Variants in PHACTR1 observed in about 807,000 individuals in gnomAD.
PHACTR1 encodes RPEL repeat containing 1.
A neutral mutation model predicts 69.2 loss-of-function variants in PHACTR1; 16 were observed. The observed-to-expected ratio is 0.23, with a 90% CI of 0.16 to 0.35. The LOEUF is 0.35. Among genes scored for constraint, PHACTR1 ranks in the 10% least tolerant of loss-of-function variants. PHACTR1 has a pLI of 1.00. For synonymous variants in PHACTR1, 312 were observed against 284.5 expected (o/e 1.10, Z -0.97); for missense variants, 510 against 734.7 (o/e 0.69, Z 3.54).
At chr6:12,876,601 T>G (rs750837097) in intron 4 of PHACTR1, among the ~76,000 whole-genome samples, 2 of 152,228 alleles carry the variant, frequency 1.3e-5, no homozygotes, top group Non-Finnish European at 2.9e-5. Context: ...TAATCTGTAT[T>G]GTCTGACTTA....
At chr6:12,917,171 T>C (rs1376629018) in intron 4 of PHACTR1, among the ~76,000 whole-genome samples, 1 of 152,234 alleles carries the variant, frequency 6.6e-6, no homozygotes, top group Non-Finnish European at 1.5e-5. Context: ...TTTCCATGGC[T>C]GGGGACAGTT....
At position 13,126,226 on chromosome 6, in the gene PHACTR1, C is replaced by T. The variant is rs1021786540; in HGVS notation, c.416-33978C>T. Reference sequence around the variant, plus strand: ...GTCAGTTCACTAATTGGCAAAAGTACTGCATTTACATTTAAGTAACAATAA... The same window carrying T: ...GTCAGTTCACTAATTGGCAAAAGTATTGCATTTACATTTAAGTAACAATAA... On this transcript the variant is annotated intron_variant, in intron 5 of 14. Coordinates refer to ENST00000332995, the MANE Select transcript of PHACTR1 (RefSeq NM_030948.6). 3.9e-5 allele frequency among the ~76,000 whole-genome samples: 6 copies of T among 152,144 alleles called. No homozygotes were observed. The East Asian group carries it at 1.2e-3, about 29-fold the overall frequency.
intron 4 of PHACTR1, among the ~76,000 whole-genome samples, chr6:12,998,622 A>AC (rs1391944759): frequency 6.6e-6 from 1 of 151,680 alleles, no homozygotes; most frequent in Non-Finnish European, 1.5e-5. Context: ...TCAAAAAAAA[A>AC]AAAAAGAAAA....
intron 5 of PHACTR1, among the ~76,000 whole-genome samples, chr6:13,123,843 G>T (rs1179230562): frequency 6.6e-6 from 1 of 152,184 alleles, no homozygotes; most frequent in Non-Finnish European, 1.5e-5. Context: ...ATGCTTTCAG[G>T]CTTCACAGTG....
intron 4 of PHACTR1, among the ~76,000 whole-genome samples, chr6:12,822,860 C>T (rs188600230): frequency 2.2e-4 from 34 of 152,214 alleles, no homozygotes; most frequent in African/African-American, 7.9e-4. Context: ...GCCATAAGGC[C>T]ACAGAGAAAG....
intron 6 of PHACTR1, among the ~76,000 whole-genome samples, chr6:13,173,010 C>T (rs898120699): frequency 1.3e-5 from 2 of 152,196 alleles, no homozygotes; most frequent in Middle Eastern, 3.2e-3. Flanking sequence ...GGTAAAAAAA[C>T]TGGAAGATTC....
At chr6:13,017,410 G>A (rs1800353512) in intron 4 of PHACTR1, among the ~76,000 whole-genome samples, 1 of 152,006 alleles carries the variant, frequency 6.6e-6, no homozygotes. Flanking sequence ...AGAAGGAATT[G>A]CAGAATTTTC....
intron 4 of PHACTR1, among the ~76,000 whole-genome samples, chr6:12,849,476 G>A (rs1779620600): frequency 6.6e-6 from 1 of 152,176 alleles, no homozygotes; most frequent in Admixed American, 6.5e-5. Context: ...TGATGGGTCT[G>A]ATTGGAAGAG....
At chr6:12,849,557 C>T (rs2127756197) in intron 4 of PHACTR1, among the ~76,000 whole-genome samples, 1 of 152,194 alleles carries the variant, frequency 6.6e-6, no homozygotes, top group Middle Eastern at 3.4e-3. Flanking sequence ...CAGCCTGGGG[C>T]TGGCACAGAG....
At chr6:12,906,138 G>A (rs1163639185) in intron 4 of PHACTR1, among the ~76,000 whole-genome samples, 1 of 152,148 alleles carries the variant, frequency 6.6e-6, no homozygotes, top group East Asian at 1.9e-4. Flanking sequence ...TGAAATCTCT[G>A]GTAGTTGGCC....
At chr6:13,149,275 G>A (rs914001373) in intron 5 of PHACTR1, among the ~76,000 whole-genome samples, 13 of 152,114 alleles carry the variant, frequency 8.5e-5, no homozygotes, top group Non-Finnish European at 1.3e-4. Context: ...GGGGAGGAAC[G>A]GTGAAACTGA....
chr6:12,754,128 A>T (rs375432842), intron 4 of PHACTR1, among the ~76,000 whole-genome samples: 37 of 112,384 alleles, frequency 3.3e-4, no homozygotes, highest in African/African-American at 6.2e-4. Context: ...ACGCCTGGCT[A>T]TTTTTTTTTT....
At chr6:12,892,678 A>T (rs536251438) in intron 4 of PHACTR1, among the ~76,000 whole-genome samples, 1 of 152,358 alleles carries the variant, frequency 6.6e-6, no homozygotes, top group South Asian at 2.1e-4. Flanking sequence ...CCCATGGAAA[A>T]AAAGGAACAG....
chr6:13,215,852 G>A (rs1309123185), intron 8 of PHACTR1, among the ~76,000 whole-genome samples: 3 of 152,170 alleles, frequency 2.0e-5, no homozygotes, highest in Admixed American at 2.0e-4. Context: ...ACATGGATAA[G>A]CCAGTCCAAT....
intron 4 of PHACTR1, among the ~76,000 whole-genome samples, chr6:12,870,934 C>T (rs1781966211): frequency 6.6e-6 from 1 of 152,110 alleles, no homozygotes; most frequent in South Asian, 2.1e-4. Context: ...GTAGTTAATC[C>T]TCATACTCAG....
intron 5 of PHACTR1, among the ~76,000 whole-genome samples, chr6:13,105,526 T>G (rs1815976605): frequency 1.3e-5 from 2 of 152,170 alleles, no homozygotes; most frequent in African/African-American, 4.8e-5. Flanking sequence ...AGTTCAATTC[T>G]GACACTAACC....
chr6:12,844,766 G>A lies in PHACTR1; in HGVS notation c.250+94976G>A, dbSNP rs532750758. Among the ~76,000 whole-genome samples the A allele has an allele frequency of 2.6e-5, 4 of 152,208 alleles. No homozygotes were observed. In the South Asian group the frequency reaches 8.3e-4, roughly 32 times the overall value. On this transcript the variant is annotated intron_variant, in intron 4 of 14. Coordinates refer to ENST00000332995, the MANE Select transcript of PHACTR1 (RefSeq NM_030948.6). ...AAAGGTGAAAGAAAAAAAAAGAAAA[G>A]CAAGCAAGCCAGCAGCAGAAGGTAC... is the stretch of plus-strand genomic sequence containing the variant.
At chr6:12,756,573 A>T (rs1325089248) in intron 4 of PHACTR1, among the ~76,000 whole-genome samples, 1 of 152,226 alleles carries the variant, frequency 6.6e-6, no homozygotes, top group Non-Finnish European at 1.5e-5. Context: ...ATATCACACT[A>T]GTAGTTGTTT....
In PHACTR1 at chr6:12,975,414, C is replaced by T. The variant is rs543123078; in HGVS notation, c.251-77951C>T. Among the ~76,000 whole-genome samples, 6 of 152,254 alleles carry T rather than the reference C, an allele frequency of 3.9e-5. No homozygotes were observed. In the South Asian group the frequency reaches 1.2e-3, roughly 32 times the overall value. ...TATTTATATGAAAATACTCTTAAAACTTCACTCTGCAAAAATCTGCAATGA... is the reference window on the plus strand; with the variant it reads ...TATTTATATGAAAATACTCTTAAAATTTCACTCTGCAAAAATCTGCAATGA... On this transcript the variant is annotated intron_variant, in intron 4 of 14. Transcript: ENST00000332995.
Sources: allele counts gnomAD v4.1 joint callset (sites outside exome capture counted in the v4.1 genomes callset), GRCh38; gene constraint gnomAD v4.1.1; transcripts MANE v1.5; gene names NCBI Gene and HGNC (gene_info 2026-07-23, HGNC 2026-07-21).